The following WWOX variants were observed in gnomAD, a reference collection of about 807,000 sequenced individuals.
The protein encoded by WWOX is WW domain containing oxidoreductase, also known as WW domain-containing oxidoreductase.
In WWOX, 69 loss-of-function variants were observed where a neutral mutation model predicts 46.2. The ratio of observed to expected loss-of-function variants is 1.49; its 90% CI spans 1.23 to 1.82. The LOEUF (loss-of-function observed/expected upper bound fraction) is 1.82. WWOX is among the 40% of genes most tolerant of loss of function. The pLI is 0.00. For synonymous variants in WWOX, 359 were observed against 202.6 expected (o/e 1.77, Z -6.56); for missense variants, 919 against 542.6 (o/e 1.69, Z -6.89).
chr16:79,176,516 C>T (rs1264377934), intron 8 of WWOX, among the ~76,000 whole-genome samples: 1 of 152,150 alleles, frequency 6.6e-6, no homozygotes, highest in Non-Finnish European at 1.5e-5. Flanking sequence ...CAGTTTTCTC[C>T]CCATTAGCAT....
intron 8 of WWOX, among the ~76,000 whole-genome samples, chr16:78,962,979 C>G (rs890878385): frequency 1.3e-5 from 2 of 152,158 alleles, no homozygotes; most frequent in African/African-American, 4.8e-5. Flanking sequence ...TGTCATTCTT[C>G]TTTCTCTGCC....
At chr16:79,188,244 C>T (rs1199800327) in intron 8 of WWOX, among the ~76,000 whole-genome samples, 1 of 152,164 alleles carries the variant, frequency 6.6e-6, no homozygotes, top group African/African-American at 2.4e-5. Context: ...TGGAAACACA[C>T]ACTTTTGCCC....
chr16:78,686,308 C>G (rs534229510), intron 8 of WWOX, among the ~76,000 whole-genome samples: 6 of 151,964 alleles, frequency 3.9e-5, no homozygotes, highest in Admixed American at 6.5e-5. Context: ...TCAGGAGATC[C>G]AGACCATCCT....
chr16:78,629,931 A>T lies in WWOX; in HGVS notation c.1056+197179A>T, dbSNP rs7185034. Among the ~76,000 whole-genome samples, 1,271 of 152,306 alleles carry T rather than the reference A, an allele frequency of 8.3e-3. 16 individuals carry two copies. Among genetic ancestry groups the T allele is most frequent in the African/African-American group, 0.028 (1,164 of 41,560 alleles). Reference sequence around the variant, plus strand: ...ATAGAAAATTAACGTAGATCACAGAAAATTATCCAAACTCAGTTAATTTTC... The same window carrying T: ...ATAGAAAATTAACGTAGATCACAGATAATTATCCAAACTCAGTTAATTTTC... On this transcript the variant is annotated intron_variant, in intron 8 of 8. Transcript: ENST00000566780.
chr16:78,313,939 T>C (rs557506966), intron 5 of WWOX, among the ~76,000 whole-genome samples: 2 of 152,308 alleles, frequency 1.3e-5, no homozygotes, highest in East Asian at 1.9e-4. Context: ...ACTTCCCTTA[T>C]ATCCGTGCTG....
intron 8 of WWOX, among the ~76,000 whole-genome samples, chr16:79,065,053 CTG>C (rs1420736563): frequency 1.3e-5 from 2 of 152,158 alleles, no homozygotes; most frequent in South Asian, 2.1e-4. Flanking sequence ...ACGTGTATGC[CTG>C]TGTGTGTCTC....
At chr16:78,320,066 G>C (rs2080435456) in intron 5 of WWOX, among the ~76,000 whole-genome samples, 1 of 152,150 alleles carries the variant, frequency 6.6e-6, no homozygotes, top group African/African-American at 2.4e-5. Flanking sequence ...GAGAGTATTT[G>C]TTTCTCTTTC....
chr16:79,081,498 G>A (rs191807054), intron 8 of WWOX, among the ~76,000 whole-genome samples: 6 of 152,116 alleles, frequency 3.9e-5, no homozygotes, highest in Admixed American at 2.0e-4. Context: ...TTTTCATGGC[G>A]ATGTGTTATA....
At chr16:78,644,049 C>T (rs2046784966) in intron 8 of WWOX, among the ~76,000 whole-genome samples, 1 of 152,046 alleles carries the variant, frequency 6.6e-6, no homozygotes, top group Non-Finnish European at 1.5e-5. Context: ...ATGGAGAAAA[C>T]CTGTGTCTTC....
At chr16:78,277,159 C>A (rs62035670) in intron 5 of WWOX, among the ~76,000 whole-genome samples, 2 of 152,118 alleles carry the variant, frequency 1.3e-5, no homozygotes, top group Admixed American at 6.5e-5. Flanking sequence ...AAGTTTAAAT[C>A]TTATTTAAAT....
rs749311979 is a variant in WWOX, at chr16:78,861,079, C to G, written c.1057-350529C>G. Among the ~76,000 whole-genome samples the G allele has an allele frequency of 1.1e-3, 161 of 152,244 alleles. 2 individuals carry two copies. The highest frequency in any genetic ancestry group is 4.0e-4 in the Non-Finnish European group (27 of 68,022). The stretch of plus-strand genomic sequence containing the variant: ...AAGCAATGTGCTTGCCTTGGCCTCC[C>G]AAAGTGTTGGGATTATAGGTGTGAG... On this transcript the variant is annotated intron_variant, in intron 8 of 8. Transcript: ENST00000566780.
chr16:78,249,118 G>T (rs2037910585), intron 5 of WWOX, among the ~76,000 whole-genome samples: 1 of 152,242 alleles, frequency 6.6e-6, no homozygotes, highest in Non-Finnish European at 1.5e-5. Flanking sequence ...CTCCCAAAGT[G>T]CTGAGATTAC....
intron 8 of WWOX, among the ~76,000 whole-genome samples, chr16:79,208,172 T>G (rs532221711): frequency 6.6e-6 from 1 of 152,338 alleles, no homozygotes; most frequent in South Asian, 2.1e-4. Context: ...GATTGCACAG[T>G]TCTCCTCTGG....
chr16:78,846,128 G>C (rs182606005), intron 8 of WWOX, among the ~76,000 whole-genome samples: 1 of 152,136 alleles, frequency 6.6e-6, no homozygotes, highest in Non-Finnish European at 1.5e-5. Flanking sequence ...TGGTTGGTTG[G>C]TTTGTTCCAG....
intron 6 of WWOX, among the ~76,000 whole-genome samples, chr16:78,422,820 C>T (rs865784959): frequency 0.017 from 1,699 of 102,510 alleles, 118 homozygotes; most frequent in African/African-American, 0.052. Context: ...CATATATATA[C>T]ACACACATAT....
At position 78,185,931 on chromosome 16, in the gene WWOX, G is replaced by A. The variant is rs181705397; in HGVS notation, c.516+21642G>A. 5.9e-5 allele frequency among the ~76,000 whole-genome samples: 9 copies of A among 152,300 alleles called. No homozygotes were observed. The East Asian group carries it at 7.7e-4, about 13-fold the overall frequency. On this transcript the variant is annotated intron_variant, in intron 5 of 8. Coordinates refer to ENST00000566780, the MANE Select transcript of WWOX (RefSeq NM_016373.4). ...TCCACCCGCCTCGGCCTCCGAAAGC[G>A]TTGGGATTACAGGTGTGAGTCAGAG... is the stretch of plus-strand genomic sequence containing the variant.
chr16:78,692,059 C>A (rs138348139), intron 8 of WWOX, among the ~76,000 whole-genome samples: 1,962 of 152,266 alleles, frequency 0.013, 20 homozygotes, highest in South Asian at 0.036. Context: ...TTTCTGAGGC[C>A]TCCCCAGCCA....
intron 8 of WWOX, among the ~76,000 whole-genome samples, chr16:78,572,994 T>TA (rs1384468080): frequency 2.6e-5 from 4 of 151,996 alleles, no homozygotes; most frequent in Admixed American, 2.6e-4. Context: ...TAGTAAAAAT[T>TA]AAAAAAATTA....
chr16:78,457,014 C>T (rs1044214388), intron 8 of WWOX, among the ~76,000 whole-genome samples: 5 of 152,222 alleles, frequency 3.3e-5, no homozygotes, highest in African/African-American at 1.2e-4. Context: ...AATGATGCTA[C>T]TGGCAGGATG....
Sources: gnomAD v4.1 joint callset for allele counts (sites outside exome capture counted in the v4.1 genomes callset) on GRCh38, gnomAD v4.1.1 for gene constraint, MANE v1.5 for transcripts, NCBI Gene and HGNC (gene_info 2026-07-23, HGNC 2026-07-21) for gene names.